Variants in GRIK1 observed in about 807,000 individuals in gnomAD.
GRIK1 encodes the protein glutamate ionotropic receptor kainate type subunit 1, also known as glutamate receptor ionotropic, kainate 1.
GRIK1 carries 69 observed loss-of-function variants against 105.7 expected under a neutral mutation model. The ratio of observed to expected loss-of-function variants is 0.65; its 90% confidence interval spans 0.54 to 0.80. GRIK1 has a LOEUF of 0.80. Ranked by LOEUF, GRIK1 falls within the 30% of genes least tolerant of loss-of-function variation. The pLI is 0.00. For missense variants in GRIK1, 1,109 were observed against 1,167.3 expected, an observed-to-expected ratio of 0.95 and a Z score of 0.73; for synonymous variants, 438 against 431.3, an observed-to-expected ratio of 1.02 and a Z score of -0.19.
intron 1 of GRIK1, among the ~76,000 whole-genome samples, chr21:29,842,534 A>G (rs2068010473): frequency 6.6e-6 from 1 of 152,186 alleles, no homozygotes; most frequent in Non-Finnish European, 1.5e-5. Flanking sequence ...AGACGAAAGA[A>G]CATGCATTCA....
At chr21:29,570,969 G>T (rs16984373) in intron 14 of GRIK1, among the ~76,000 whole-genome samples, 9,973 of 151,900 alleles carry the variant, frequency 0.066, 610 homozygotes, top group African/African-American at 0.16. Flanking sequence ...TCCTTGATGA[G>T]CAATGTTGCT....
chr21:29,848,799 T>C (rs1179726022), intron 1 of GRIK1, among the ~76,000 whole-genome samples: 1 of 122,238 alleles, frequency 8.2e-6, no homozygotes, highest in African/African-American at 3.3e-5. Context: ...TTTTCCACGA[T>C]CTTCACCTTA....
intron 7 of GRIK1, among the ~76,000 whole-genome samples, chr21:29,605,579 C>T (rs962248494): frequency 6.6e-6 from 1 of 152,072 alleles, no homozygotes; most frequent in East Asian, 1.9e-4. Context: ...TGGGTATATG[C>T]CCAGTGATGG....
Position 29,615,302 on chromosome 21 carries a change from CT to C in GRIK1, c.1099-16366del, listed in dbSNP as rs563474141. On this transcript the variant is annotated intron_variant, in intron 7 of 17. Coordinates refer to ENST00000327783, the MANE Select transcript of GRIK1 (RefSeq NM_001330994.2). Reference sequence around the variant, plus strand: ...CATTTGCCTTCATGGCCCACTATTCCTTTTTTTCTTTCTTTCTTTCTTTTTT... The same window carrying C: ...CATTTGCCTTCATGGCCCACTATTCCTTTTTTCTTTCTTTCTTTCTTTTTT... Among the ~76,000 whole-genome samples the C allele has an allele frequency of 8.9e-4, 133 of 148,796 alleles. 2 individuals are homozygous for C. The highest frequency in any genetic ancestry group is 5.4e-3 in the South Asian group (26 of 4,816).
At chr21:29,699,263 G>T (rs1460509230) in intron 1 of GRIK1, among the ~76,000 whole-genome samples, 1 of 152,160 alleles carries the variant, frequency 6.6e-6, no homozygotes, top group Non-Finnish European at 1.5e-5. Context: ...CTCACCTCTG[G>T]ATCCTCAAAA....
intron 1 of GRIK1, among the ~76,000 whole-genome samples, chr21:29,831,287 C>T (rs972296260): frequency 6.6e-6 from 1 of 152,134 alleles, no homozygotes; most frequent in Non-Finnish European, 1.5e-5. Flanking sequence ...CCCACCATTC[C>T]CATCTTTCAG....
intron 1 of GRIK1, chr21:29,760,182 G>A (rs2065470746): frequency 6.6e-6 from 1 of 152,198 alleles, no homozygotes; most frequent in Non-Finnish European, 1.5e-5. Flanking sequence ...CCTATTCTAA[G>A]CATATACAGT....
intron 1 of GRIK1, among the ~76,000 whole-genome samples, chr21:29,866,775 G>T (rs1455469011): frequency 2.0e-5 from 3 of 152,160 alleles, no homozygotes; most frequent in African/African-American, 4.8e-5. Flanking sequence ...TGTTATTCTT[G>T]CAAAAGAAAA....
chr21:29,809,415 A>T (rs116117034), intron 1 of GRIK1, among the ~76,000 whole-genome samples: 263 of 152,278 alleles, frequency 1.7e-3, no homozygotes, highest in African/African-American at 6.1e-3. Flanking sequence ...AAAATGCTTT[A>T]TTGCTTAAAA....
At chr21:29,939,315 C>A in intron 1 of GRIK1, 68 bp downstream of exon 1, 1 of 937,712 alleles carries the variant, frequency 1.1e-6, no homozygotes, top group African/African-American at 1.6e-5. Context: ...TCGCCCGGGA[C>A]CCGCTACACC....
At chr21:29,733,498 C>A (rs890163838) in intron 1 of GRIK1, among the ~76,000 whole-genome samples, 3 of 151,692 alleles carry the variant, frequency 2.0e-5, no homozygotes, top group African/African-American at 7.3e-5. Flanking sequence ...CATCCTAATC[C>A]CCTAATTTTT....
At chr21:29,839,794 A>G (rs1205362654) in intron 1 of GRIK1, among the ~76,000 whole-genome samples, 1 of 152,234 alleles carries the variant, frequency 6.6e-6, no homozygotes, top group East Asian at 1.9e-4. Context: ...TCATCCTGAT[A>G]TCTTATAAGG....
chr21:29,660,046 A>G (rs768222308), intron 4 of GRIK1, among the ~76,000 whole-genome samples: 15 of 152,188 alleles, frequency 9.9e-5, no homozygotes, highest in Non-Finnish European at 1.9e-4. Context: ...GGACAATTCT[A>G]AGGCCCTACT....
intron 1 of GRIK1, among the ~76,000 whole-genome samples, chr21:29,909,919 T>C (rs1388286579): frequency 6.6e-6 from 1 of 152,270 alleles, no homozygotes; most frequent in East Asian, 1.9e-4. Context: ...TTAAAAGACA[T>C]TTAATTACAG....
chr21:29,701,896 T>G (rs1050459827), intron 1 of GRIK1, among the ~76,000 whole-genome samples: 2 of 152,078 alleles, frequency 1.3e-5, no homozygotes, highest in African/African-American at 4.8e-5. Flanking sequence ...GGAAGGGAGT[T>G]GAGGATAACA....
At chr21:29,682,453 C>A (rs1219344813) in intron 3 of GRIK1, among the ~76,000 whole-genome samples, 1 of 152,108 alleles carries the variant, frequency 6.6e-6, no homozygotes, top group Non-Finnish European at 1.5e-5. Flanking sequence ...ATTTGAAGCA[C>A]CCTGTTTTCT....
chr21:29,647,982 T>C (rs564905642), intron 6 of GRIK1, among the ~76,000 whole-genome samples: 7 of 152,332 alleles, frequency 4.6e-5, no homozygotes, highest in Non-Finnish European at 1.0e-4. Context: ...TTAAGTCTGG[T>C]GTCAAGACTT....
At chr21:29,676,446 T>C (rs1458994494) in intron 3 of GRIK1, among the ~76,000 whole-genome samples, 2 of 152,240 alleles carry the variant, frequency 1.3e-5, no homozygotes. Flanking sequence ...AGCTTTCCCT[T>C]ATATTTGCAT....
chr21:29,591,369 G>C (rs886460894), intron 9 of GRIK1, 144 bp from the exon 10 acceptor site: 78 of 663,878 alleles, frequency 1.2e-4, no homozygotes, highest in Non-Finnish European at 1.7e-4. Context: ...CTAAACGTGG[G>C]GAAATGAAAC....
Sources: gnomAD v4.1 joint callset for allele counts (sites outside exome capture counted in the v4.1 genomes callset) on GRCh38, gnomAD v4.1.1 for gene constraint, MANE v1.5 for transcripts, NCBI Gene and HGNC (gene_info 2026-07-23, HGNC 2026-07-21) for gene names.